MED27: variants seen among roughly 807,000 people sequenced by gnomAD.
MED27 encodes mediator complex subunit 27.
In MED27, 30 loss-of-function variants were observed where a neutral mutation model predicts 38.2. That is an observed-to-expected ratio of 0.79 (90% CI 0.59 to 1.07). The LOEUF (loss-of-function observed/expected upper bound fraction) is 1.07, where lower values mean the gene tolerates loss of function less well. MED27 is among the 50% of genes least tolerant of loss of function. MED27 has a pLI of 0.00. For missense variants in MED27, 289 were observed against 397.5 expected (o/e 0.73, Z 2.32); for synonymous variants, 122 against 153.5 (o/e 0.79, Z 1.52).
At chr9:131,911,746 G>A (rs150857016) in intron 4 of MED27, among the ~76,000 whole-genome samples, 5 of 152,306 alleles carry the variant, frequency 3.3e-5, no homozygotes, top group Non-Finnish European at 5.9e-5. Flanking sequence ...ACCTAGCAAC[G>A]TATTCATTAA....
intron 2 of MED27, among the ~76,000 whole-genome samples, chr9:132,040,604 G>A (rs1005350019): frequency 8.5e-5 from 13 of 152,188 alleles, no homozygotes; most frequent in African/African-American, 3.1e-4. Context: ...GGGAGCAGAC[G>A]GCAGAGCTTA....
At chr9:132,015,328 C>A (rs1474446492) in intron 2 of MED27, among the ~76,000 whole-genome samples, 2 of 152,156 alleles carry the variant, frequency 1.3e-5, no homozygotes, top group Non-Finnish European at 2.9e-5. Context: ...TTAAATGTGT[C>A]TGGTGCCAGC....
intron 4 of MED27, among the ~76,000 whole-genome samples, chr9:131,905,305 A>G (rs979269731): frequency 5.3e-5 from 8 of 152,226 alleles, no homozygotes; most frequent in African/African-American, 1.9e-4. Context: ...AGGTGCTCCT[A>G]ACAGATGTGA....
intron 2 of MED27, among the ~76,000 whole-genome samples, chr9:132,021,812 G>T (rs1333605368): frequency 7.0e-6 from 1 of 143,644 alleles, no homozygotes; most frequent in East Asian, 2.0e-4. Context: ...CTTATAGGAA[G>T]AGGAAGAGGA....
At chr9:131,945,312 A>T (rs1461336117) in intron 3 of MED27, among the ~76,000 whole-genome samples, 1 of 151,718 alleles carries the variant, frequency 6.6e-6, no homozygotes, top group Non-Finnish European at 1.5e-5. Context: ...TTAATTGACA[A>T]ATAAAGATTG....
intron 2 of MED27, among the ~76,000 whole-genome samples, chr9:132,058,029 A>C (rs1462442268): frequency 2.0e-5 from 3 of 152,230 alleles, no homozygotes; most frequent in Non-Finnish European, 4.4e-5. Context: ...CAAGAAAAAA[A>C]ACTTGTCAAG....
At position 131,932,035 on chromosome 9, in the gene MED27, A is replaced by G. The variant is rs558765531; in HGVS notation, c.573+7346T>C. Among the ~76,000 whole-genome samples the G allele has an allele frequency of 1.5e-3, 230 of 152,306 alleles. 2 individuals carry two copies. Among genetic ancestry groups the G allele is most frequent in the African/African-American group, 5.4e-3 (225 of 41,578 alleles). ...ACAGAACACTTCATCCAATGACTGC[A>G]GAACACATATTCTTCTCCTCAGCAC... On this transcript the variant is annotated intron_variant, in intron 4 of 7. Transcript: ENST00000292035.
At chr9:132,064,463 T>G (rs956746097) in intron 2 of MED27, among the ~76,000 whole-genome samples, 1 of 152,214 alleles carries the variant, frequency 6.6e-6, no homozygotes, top group Non-Finnish European at 1.5e-5. Context: ...ACAGACCAAC[T>G]GAGTCACGTC....
At chr9:131,969,466 T>C (rs1432448859) in intron 3 of MED27, among the ~76,000 whole-genome samples, 2 of 150,940 alleles carry the variant, frequency 1.3e-5, no homozygotes, top group Admixed American at 1.3e-4. Flanking sequence ...TCGTAACATT[T>C]TAGAAAAAGA....
At chr9:132,016,631 T>C (rs1395988735) in intron 2 of MED27, among the ~76,000 whole-genome samples, 1 of 152,210 alleles carries the variant, frequency 6.6e-6, no homozygotes, top group African/African-American at 2.4e-5. Context: ...TGCATGGGGC[T>C]TTATGGAATT....
At chr9:131,951,537 T>G (rs543725593) in intron 3 of MED27, among the ~76,000 whole-genome samples, 1 of 152,342 alleles carries the variant, frequency 6.6e-6, no homozygotes, top group East Asian at 1.9e-4. Flanking sequence ...GGGACCTAGA[T>G]GCTCAAGTTC....
intron 2 of MED27, among the ~76,000 whole-genome samples, chr9:132,050,719 C>G (rs1341254311): frequency 6.6e-6 from 1 of 152,216 alleles, no homozygotes; most frequent in African/African-American, 2.4e-5. Flanking sequence ...TGCTCAGACT[C>G]TGCTCTCCAC....
At chr9:132,060,064 G>A (rs1003357106) in intron 2 of MED27, among the ~76,000 whole-genome samples, 1 of 152,200 alleles carries the variant, frequency 6.6e-6, no homozygotes, top group Non-Finnish European at 1.5e-5. Context: ...GCTTGGACTT[G>A]ATCTAGTTAC....
chr9:131,949,078 A>G (rs1224518874), intron 3 of MED27, among the ~76,000 whole-genome samples: 3 of 152,192 alleles, frequency 2.0e-5, no homozygotes, highest in Non-Finnish European at 4.4e-5. Context: ...CACGTGACAA[A>G]TACCATCACA....
chr9:131,991,104 C>T (rs111810557), intron 3 of MED27, among the ~76,000 whole-genome samples: 2 of 152,292 alleles, frequency 1.3e-5, no homozygotes, highest in African/African-American at 4.8e-5. Flanking sequence ...ACAACCTTGA[C>T]GGTTTCTCAT....
At chr9:131,887,482 T>C (rs1839160110) in intron 5 of MED27, among the ~76,000 whole-genome samples, 1 of 152,188 alleles carries the variant, frequency 6.6e-6, no homozygotes, top group Non-Finnish European at 1.5e-5. Context: ...TGGTTCGTAC[T>C]TGATTTTCTG....
intron 5 of MED27, among the ~76,000 whole-genome samples, chr9:131,884,763 A>G (rs1589184248): frequency 6.6e-6 from 1 of 152,000 alleles, no homozygotes; most frequent in Non-Finnish European, 1.5e-5. Context: ...GTGTGTCACC[A>G]TGCCTGCTTA....
At chr9:132,062,508 T>C (rs964886699) in intron 2 of MED27, among the ~76,000 whole-genome samples, 1 of 152,048 alleles carries the variant, frequency 6.6e-6, no homozygotes, top group African/African-American at 2.4e-5. Context: ...TGGCTCAAGG[T>C]GACTAAGTAC....
chr9:131,994,959 A>G (rs1166486874), intron 3 of MED27, among the ~76,000 whole-genome samples: 3 of 152,060 alleles, frequency 2.0e-5, no homozygotes, highest in East Asian at 3.9e-4. Context: ...CTGCATTACA[A>G]ACTCACTCGG....
Sources: gnomAD v4.1 joint callset for allele counts (sites outside exome capture counted in the v4.1 genomes callset) on GRCh38, gnomAD v4.1.1 for gene constraint, MANE v1.5 for transcripts, NCBI Gene and HGNC (gene_info 2026-07-23, HGNC 2026-07-21) for gene names.